Variants in SOS2 observed in about 807,000 individuals in gnomAD.
SOS2 encodes the protein SOS Ras/Rho guanine nucleotide exchange factor 2.
Under a neutral mutation model 148.2 loss-of-function variants are expected in SOS2, and 65 were observed. The observed-to-expected ratio is 0.44, with a 90% confidence interval of 0.36 to 0.54. The LOEUF is 0.54. Among genes scored for constraint, SOS2 ranks in the 20% least tolerant of loss-of-function variants. The probability of loss-of-function intolerance (pLI) is 0.00; values close to 1 mark genes in which losing one functional copy is unlikely to be tolerated. For missense variants in SOS2, 1,341 were observed against 1,590.2 expected (o/e 0.84, Z 2.67); for synonymous variants, 539 against 537.1 (o/e 1.00, Z -0.05).
At chr14:50,135,071 C>CAAAAA (rs746540364) in intron 18 of SOS2, among the ~76,000 whole-genome samples, 11 of 57,452 alleles carry the variant, frequency 1.9e-4, no homozygotes, top group African/African-American at 2.7e-4. Context: ...GAGACTGTCT[C>CAAAAA]AAAAAAAAAA....
intron 1 of SOS2, 38 bp downstream of exon 1, chr14:50,231,159 A>C: frequency 5.7e-6 from 7 of 1,229,910 alleles, no homozygotes; most frequent in East Asian, 3.3e-5. Context: ...TCGGGGGGCC[A>C]CGGGCCACCC....
At position 50,145,229 on chromosome 14, in the gene SOS2, A is replaced by G. The variant is rs1275682434; in HGVS notation, c.2608T>C (p.Leu870=). The G allele has an allele frequency of 6.2e-7, 1 of 1,611,470 alleles. No individual in the cohort carries two copies. Among genetic ancestry groups the G allele is most frequent in the Middle Eastern group, 1.7e-4 (1 of 6,048 alleles). The change falls in exon 16 of 23, where the codon TTG becomes CTG. Residue 870 remains leucine, a synonymous_variant. Transcript: ENST00000216373. ...GAATTTACTGCACTGACTATCTCCA[A>G]TACGCCATTGAAATTATTCAAATCT... ...FQDLNNFNGV[L]EIVSAVNSVS...
At chr14:50,160,111 T>C in intron 9 of SOS2, 25 bp from the exon 10 acceptor site, 5 of 1,563,374 alleles carry the variant, frequency 3.2e-6, no homozygotes, top group Non-Finnish European at 4.4e-6. Flanking sequence ...CAATATAGCT[T>C]ATTCAACAGC....
At chr14:50,204,469 A>G in intron 1 of SOS2, 60 bp from the exon 2 acceptor site, 1 of 1,021,112 alleles carries the variant, frequency 9.8e-7, no homozygotes, top group Non-Finnish European at 1.5e-6. Context: ...AACAAAAGTC[A>G]AAGAGAATCT....
intron 5 of SOS2, among the ~76,000 whole-genome samples, chr14:50,186,450 C>G (rs1885915036): frequency 6.6e-6 from 1 of 152,014 alleles, no homozygotes; most frequent in South Asian, 2.1e-4. Flanking sequence ...GAAAAGAAGC[C>G]ACATTCAAGA....
Position 50,130,144 on chromosome 14 carries a change from T to C in SOS2, c.3338-142A>G, listed in dbSNP as rs3759597. 0.87 allele frequency: 511,452 copies of C among 589,864 alleles called. 222,467 individuals are homozygous for C. Among genetic ancestry groups the C allele is most frequent in the East Asian group, 0.92 (30,964 of 33,572 alleles). 36.5% of individuals were successfully genotyped at this position (589,864 alleles called of 1,614,324 possible). ...CATGTTAGTTTTTTAAAAAATTAAC[T>C]CAGAACCTTCTGTATCTAGAATGGT... On this transcript the variant is annotated intron_variant, in intron 20 of 22. Transcript: ENST00000216373.
Position 50,221,085 on chromosome 14 carries a change from A to G in SOS2, c.87+10112T>C, listed in dbSNP as rs530832978. Among the ~76,000 whole-genome samples the G allele has an allele frequency of 2.1e-4, 32 of 152,352 alleles. No homozygotes were observed. In the East Asian group the frequency reaches 5.8e-3, roughly 27 times the overall value. On this transcript the variant is annotated intron_variant, in intron 1 of 22. Coordinates refer to ENST00000216373, the MANE Select transcript of SOS2 (RefSeq NM_006939.4). ...ACAGGAACATGTTTCTAAGAAAAAA[A>G]CCAAAAAGTATTAAAAGCCATTTTC...
intron 7 of SOS2, among the ~76,000 whole-genome samples, chr14:50,179,502 G>A (rs1047426588): frequency 6.6e-6 from 1 of 151,796 alleles, no homozygotes; most frequent in Admixed American, 6.6e-5. Flanking sequence ...CTCCTGGCAT[G>A]CCACAGGTGC....
Position 50,200,974 on chromosome 14 carries a change from G to C in SOS2, c.324C>G (p.Asp108Glu). 1 of 1,613,878 alleles carries C rather than the reference G, an allele frequency of 6.2e-7. No homozygotes were observed. The highest frequency in any genetic ancestry group is 8.5e-7 in the Non-Finnish European group (1 of 1,179,892). ...TTACCTTCAACGAAGGATGGATTTT[G>C]TCCACAGGCAGTAAAAGAGGATTTC... is the stretch of plus-strand genomic sequence containing the variant. The part of the protein sequence containing the change: ...KRRNPLLLPV[D>E]KIHPSLKEVL... Residue 108 changes from aspartate to glutamate, a missense_variant, in exon 3 of 23, where the codon GAC becomes GAG. Around this residue, in one of 4 missense-constraint regions of SOS2, gnomAD observed 574 missense variants for 711.1 expected, o/e 0.81. Transcript: ENST00000216373.
intron 18 of SOS2, among the ~76,000 whole-genome samples, chr14:50,136,822 T>G (rs1045323319): frequency 6.6e-6 from 1 of 152,056 alleles, no homozygotes; most frequent in African/African-American, 2.4e-5. Flanking sequence ...ACTCCTGACC[T>G]CAGGTGATCC....
chr14:50,189,331 C>CAAAAAAAAAA lies in SOS2; in HGVS notation c.511-641_511-632dup, dbSNP rs761860061. Among the ~76,000 whole-genome samples, 83 of 31,452 alleles carry CAAAAAAAAAA rather than the reference C, an allele frequency of 2.6e-3. 15 individuals carry two copies. Among genetic ancestry groups the CAAAAAAAAAA allele is most frequent in the East Asian group, 9.2e-3 (8 of 870 alleles). The allele number at this position is 31,452 out of a possible 152,430, so 20.6% of individuals were successfully genotyped here. A position where few individuals can be genotyped will look rare whatever the true frequency, so the allele number is the denominator to read the frequency against. The stretch of plus-strand genomic sequence containing the variant: ...ACACACACACACACACACATAATAG[C>CAAAAAAAAAA]AAAAAAAAAAAAAAAAAGCAAGCCT... On this transcript the variant is annotated intron_variant, in intron 4 of 22. Coordinates refer to ENST00000216373, the MANE Select transcript of SOS2 (RefSeq NM_006939.4).
At chr14:50,143,544 A>T (rs1311497380) in intron 16 of SOS2, among the ~76,000 whole-genome samples, 1 of 151,806 alleles carries the variant, frequency 6.6e-6, no homozygotes, top group Non-Finnish European at 1.5e-5. Context: ...TTCAAGCGAT[A>T]CCCCTGCCTC....
At chr14:50,228,039 A>T (rs1383111177) in intron 1 of SOS2, among the ~76,000 whole-genome samples, 1 of 145,800 alleles carries the variant, frequency 6.9e-6, no homozygotes, top group African/African-American at 2.6e-5. Flanking sequence ...TAGAGATGCA[A>T]GTAATTTTTT....
intron 10 of SOS2, among the ~76,000 whole-genome samples, chr14:50,158,998 C>T (rs1310246967): frequency 6.6e-6 from 1 of 151,892 alleles, no homozygotes; most frequent in African/African-American, 2.4e-5. Context: ...TCCTGGCTAA[C>T]ACGGTGAAAC....
chr14:50,185,907 G>A (rs538536542), intron 5 of SOS2, among the ~76,000 whole-genome samples: 1 of 151,982 alleles, frequency 6.6e-6, no homozygotes, highest in Non-Finnish European at 1.5e-5. Flanking sequence ...TACAAATGAG[G>A]AAACAGAGGC....
chr14:50,200,797 T>G (rs1378268905), intron 3 of SOS2, among the ~76,000 whole-genome samples, 156 bp downstream of exon 3: 1 of 152,192 alleles, frequency 6.6e-6, no homozygotes, highest in Non-Finnish European at 1.5e-5. Context: ...TTTGTATACA[T>G]ATTAATATAT....
In SOS2 at chr14:50,180,553, ACCTTCAATTT is replaced by A; in HGVS notation, c.969+9_969+18del. The A allele has an allele frequency of 9.4e-7, 1 of 1,060,838 alleles. No homozygotes were observed. Among genetic ancestry groups the A allele is most frequent in the Non-Finnish European group, 1.4e-6 (1 of 727,948 alleles). 65.7% of individuals were successfully genotyped at this position (1,060,838 alleles called of 1,614,324 possible). A position where few individuals can be genotyped will look rare whatever the true frequency, so the allele number is the denominator to read the frequency against. The stretch of plus-strand genomic sequence containing the variant: ...TTTATTAAAAAAAAAAAAAAAAAAA[ACCTTCAATTT>A]AAGTTTACCTGAAAGTGTAGAGCAA... On this transcript the variant is annotated intron_variant, in intron 7 of 22. Coordinates refer to ENST00000216373, the MANE Select transcript of SOS2 (RefSeq NM_006939.4).
At chr14:50,138,572 A>T in intron 18 of SOS2, 40 bp downstream of exon 18, 1 of 1,084,350 alleles carries the variant, frequency 9.2e-7, no homozygotes, top group Non-Finnish European at 1.3e-6. Context: ...GGTACCCATT[A>T]ACACGTTCTC....
chr14:50,151,831 G>T (rs929157252), intron 13 of SOS2, among the ~76,000 whole-genome samples: 2 of 151,910 alleles, frequency 1.3e-5, no homozygotes, highest in Non-Finnish European at 2.9e-5. Context: ...AAAAGTGATC[G>T]CTTCACCTCA....
Sources: gnomAD v4.1 joint callset for allele counts (sites outside exome capture counted in the v4.1 genomes callset) on GRCh38, gnomAD v4.1.1 for gene constraint, gnomAD v4.1.1 regional missense constraint, MANE v1.5 for transcripts, NCBI Gene and HGNC (gene_info 2026-07-23, HGNC 2026-07-21) for gene names.